Variants in ELMO1 observed in about 807,000 individuals in gnomAD.
ELMO1 encodes the protein engulfment and cell motility 1.
ELMO1 carries 26 observed loss-of-function variants against 98.9 expected under a neutral mutation model. That is an observed-to-expected ratio of 0.26 (90% confidence interval 0.19 to 0.36). The LOEUF is 0.36. Among genes scored for constraint, ELMO1 ranks in the 10% least tolerant of loss-of-function variants. The probability of loss-of-function intolerance (pLI) is 1.00; values close to 1 mark genes in which losing one functional copy is unlikely to be tolerated. For synonymous variants in ELMO1, 346 were observed against 346.0 expected (o/e 1.00, Z 0.00); for missense variants, 627 against 935.2 (o/e 0.67, Z 4.30).
At chr7:37,436,507 T>C (rs1309777741) in intron 1 of ELMO1, among the ~76,000 whole-genome samples, 1 of 152,240 alleles carries the variant, frequency 6.6e-6, no homozygotes, top group African/African-American at 2.4e-5. Context: ...AAGCAGTTTC[T>C]GTTTGGCACA....
intron 13 of ELMO1, among the ~76,000 whole-genome samples, chr7:37,192,971 A>G (rs1406072061): frequency 5.9e-5 from 1 of 17,048 alleles, no homozygotes; most frequent in Admixed American, 9.2e-4. Context: ...TATATAGGAG[A>G]TATATATATA....
intron 1 of ELMO1, among the ~76,000 whole-genome samples, chr7:37,415,766 A>G (rs1010268036): frequency 1.3e-5 from 2 of 152,238 alleles, no homozygotes; most frequent in African/African-American, 4.8e-5. Flanking sequence ...TAAAGTAATA[A>G]TAACTCTCAA....
At chr7:36,859,880 TC>T (rs1457142603) in intron 21 of ELMO1, among the ~76,000 whole-genome samples, 1 of 152,100 alleles carries the variant, frequency 6.6e-6, no homozygotes, top group East Asian at 1.9e-4. Flanking sequence ...TGCCTGTCTC[TC>T]CTGCTTCCCC....
At chr7:37,116,246 C>G (rs944967649) in intron 14 of ELMO1, among the ~76,000 whole-genome samples, 15 of 152,164 alleles carry the variant, frequency 9.9e-5, no homozygotes, top group Non-Finnish European at 2.9e-5. Context: ...ACAGCAGCTG[C>G]TGAGCTCTGC....
chr7:36,997,601 G>C (rs1048048996), intron 16 of ELMO1, among the ~76,000 whole-genome samples: 1 of 152,172 alleles, frequency 6.6e-6, no homozygotes, highest in East Asian at 1.9e-4. Context: ...CAGCAGGAAC[G>C]GAGCCATGAG....
chr7:37,400,623 C>T (rs188245432), intron 1 of ELMO1, among the ~76,000 whole-genome samples: 36 of 152,188 alleles, frequency 2.4e-4, no homozygotes, highest in South Asian at 4.1e-4. Flanking sequence ...CTTTAGGAAA[C>T]GGTGGAAGAG....
chr7:36,872,345 T>C (rs553181541), intron 19 of ELMO1, among the ~76,000 whole-genome samples: 1 of 152,332 alleles, frequency 6.6e-6, no homozygotes, highest in East Asian at 1.9e-4. Flanking sequence ...ATGGAAGACA[T>C]GGTGCACACT....
chr7:37,017,430 T>TA (rs1794004298), intron 15 of ELMO1, among the ~76,000 whole-genome samples: 1 of 152,182 alleles, frequency 6.6e-6, no homozygotes, highest in Admixed American at 6.5e-5. Context: ...TGTGCCCAGC[T>TA]AAAAAAGTAC....
At chr7:36,871,176 G>A (rs573816501) in intron 19 of ELMO1, among the ~76,000 whole-genome samples, 1 of 152,274 alleles carries the variant, frequency 6.6e-6, no homozygotes, top group Admixed American at 6.5e-5. Context: ...GTCTTACTCT[G>A]GAGTTGGCGG....
At chr7:36,860,523 G>C (rs1802545169) in intron 21 of ELMO1, among the ~76,000 whole-genome samples, 1 of 152,244 alleles carries the variant, frequency 6.6e-6, no homozygotes, top group African/African-American at 2.4e-5. Flanking sequence ...AAATCTGGCA[G>C]TCCCAGAGCA....
intron 4 of ELMO1, among the ~76,000 whole-genome samples, chr7:37,290,268 A>G (rs1170980482): frequency 6.6e-6 from 1 of 152,222 alleles, no homozygotes; most frequent in Non-Finnish European, 1.5e-5. Flanking sequence ...GCTAAACAAG[A>G]TAACATACGT....
intron 16 of ELMO1, among the ~76,000 whole-genome samples, chr7:36,929,461 C>T (rs1785851160): frequency 6.6e-6 from 1 of 152,178 alleles, no homozygotes; most frequent in Admixed American, 6.5e-5. Flanking sequence ...CACATCAAGG[C>T]ATCAGATTGA....
chr7:36,967,998 A>C (rs1335902948), intron 16 of ELMO1, among the ~76,000 whole-genome samples: 1 of 152,256 alleles, frequency 6.6e-6, no homozygotes, highest in Non-Finnish European at 1.5e-5. Flanking sequence ...AATTATAGAA[A>C]TATTACCTTC....
chr7:37,258,288 A>C (rs974652880), intron 6 of ELMO1, among the ~76,000 whole-genome samples: 3 of 151,912 alleles, frequency 2.0e-5, no homozygotes, highest in African/African-American at 4.8e-5. Context: ...AAACAAAAAA[A>C]AAACTAGCTG....
At chr7:37,216,109 A>G (rs1260737086) in intron 11 of ELMO1, among the ~76,000 whole-genome samples, 1 of 149,214 alleles carries the variant, frequency 6.7e-6, no homozygotes, top group Non-Finnish European at 1.5e-5. Flanking sequence ...GTTTATTTCT[A>G]AACATTTGCA....
Position 37,104,595 on chromosome 7 carries a change from G to T in ELMO1, c.1192-7868C>A, listed in dbSNP as rs151279283. ...CCTTCACCTTCCCTGAGCTTTAATT[G>T]GTCACCTAGAGAGAGGCGGCCATCC... On this transcript the variant is annotated intron_variant, in intron 14 of 21. Transcript: ENST00000310758. Among the ~76,000 whole-genome samples the T allele has an allele frequency of 5.9e-5, 9 of 152,284 alleles. No homozygotes were observed. In the East Asian group the frequency reaches 1.7e-3, roughly 29 times the overall value.
chr7:37,440,943 T>C (rs189054940), intron 1 of ELMO1, among the ~76,000 whole-genome samples: 2 of 152,016 alleles, frequency 1.3e-5, no homozygotes, highest in South Asian at 2.1e-4. Context: ...ACATGCTTTC[T>C]GAGGGCCAAG....
chr7:36,986,910 T>C (rs926029877), intron 16 of ELMO1, among the ~76,000 whole-genome samples: 2 of 152,128 alleles, frequency 1.3e-5, no homozygotes, highest in Non-Finnish European at 2.9e-5. Flanking sequence ...CTACCCCTAA[T>C]TAAAATTACT....
chr7:37,045,003 G>A (rs1359318810), intron 15 of ELMO1, among the ~76,000 whole-genome samples: 2 of 152,226 alleles, frequency 1.3e-5, no homozygotes, highest in African/African-American at 2.4e-5. Context: ...TGGGATGGAG[G>A]TTAATATTAC....
Sources: allele counts gnomAD v4.1 joint callset (sites outside exome capture counted in the v4.1 genomes callset), GRCh38; gene constraint gnomAD v4.1.1; transcripts MANE v1.5; gene names NCBI Gene and HGNC (gene_info 2026-07-23, HGNC 2026-07-21).